The following SLC38A10 variants were observed in gnomAD, a reference collection of about 807,000 sequenced individuals.
SLC38A10 encodes Sodium-coupled neutral amino acid transporter 10.
SLC38A10 carries 53 observed loss-of-function variants against 81.0 expected under a neutral mutation model. That is an observed-to-expected ratio of 0.65 (90% CI 0.53 to 0.82). The LOEUF (loss-of-function observed/expected upper bound fraction) is 0.82. Among genes scored for constraint, SLC38A10 ranks in the 40% least tolerant of loss-of-function variants. The probability of loss-of-function intolerance (pLI) is 0.00; values close to 1 mark genes in which losing one functional copy is unlikely to be tolerated. For synonymous variants in SLC38A10, 665 were observed against 655.3 expected (o/e 1.01, Z -0.23); for missense variants, 1,471 against 1,545.0 (o/e 0.95, Z 0.80).
At position 81,280,595 on chromosome 17, in the gene SLC38A10, A is replaced by G. The variant is rs747225210; in HGVS notation, c.626+14T>C. On this transcript the variant is annotated intron_variant, in intron 6 of 15. Transcript: ENST00000374759. ...GTCACAGAACTCCACCACAGACCAC[A>G]GCAGGACACTTACGACTGGCAGGCG... 1.2e-6 allele frequency: 2 copies of G among 1,613,448 alleles called. No individual in the cohort carries two copies. The highest frequency in any genetic ancestry group is 2.2e-5 in the East Asian group (1 of 44,888).
intron 1 of SLC38A10, among the ~76,000 whole-genome samples, chr17:81,291,623 C>T (rs781347149): frequency 6.6e-6 from 1 of 152,202 alleles, no homozygotes; most frequent in Non-Finnish European, 1.5e-5. Flanking sequence ...TGCACCACTG[C>T]ACCCACATGG....
rs1385107896 is a variant in SLC38A10, at chr17:81,281,503, G to A, written c.501+686C>T. Among the ~76,000 whole-genome samples the A allele has an allele frequency of 6.6e-6, 1 of 152,130 alleles. No individual in the cohort carries two copies. The highest frequency in any genetic ancestry group is 1.5e-5 in the Non-Finnish European group (1 of 68,036). ...TTTAGAAAAATAATAGCGGCCGGGC[G>A]TGGTGGCTCATGCCTGTAACCCCAG... On this transcript the variant is annotated intron_variant, in intron 5 of 15. Transcript: ENST00000374759. The surrounding 1 kb of genome is among the most constrained non-coding windows in gnomAD (Gnocchi z 5.3).
chr17:81,249,188 C>G (rs544522220), intron 14 of SLC38A10, among the ~76,000 whole-genome samples: 1 of 95,714 alleles, frequency 1.0e-5, no homozygotes, highest in South Asian at 3.9e-4. Context: ...AAAGAGGAGA[C>G]AGAAGGGAGG....
chr17:81,251,440 G>A (rs754827863), intron 14 of SLC38A10, 53 bp downstream of exon 14: 7 of 1,608,478 alleles, frequency 4.4e-6, no homozygotes, highest in Middle Eastern at 1.7e-4. Context: ...GCTGGGGGAG[G>A]GGGCTGCCGC....
In SLC38A10 at chr17:81,271,301, C is replaced by T. The variant is rs1020514925; in HGVS notation, c.1025-277G>A. ...TCCTGCCGAAACCAGATGCTGGCTG[C>T]GCACGGCACGGCTCCTGCGCCGCCT... On this transcript the variant is annotated intron_variant, in intron 9 of 15. Transcript: ENST00000374759. Among the ~76,000 whole-genome samples the T allele has an allele frequency of 3.3e-5, 5 of 152,170 alleles. No homozygotes were observed. In the East Asian group the frequency reaches 7.7e-4, roughly 23 times the overall value.
At chr17:81,282,917 C>T (rs1053192393) in intron 4 of SLC38A10, among the ~76,000 whole-genome samples, 1 of 152,192 alleles carries the variant, frequency 6.6e-6, no homozygotes, top group Non-Finnish European at 1.5e-5. Flanking sequence ...CTGCCCTGCC[C>T]AGTGAGGGGC....
chr17:81,247,876 T>A (rs1050232395), intron 14 of SLC38A10, among the ~76,000 whole-genome samples: 1 of 151,332 alleles, frequency 6.6e-6, no homozygotes, highest in Non-Finnish European at 1.5e-5. Context: ...CTGTAAGCTA[T>A]GTTTTGAAAA....
intron 14 of SLC38A10, among the ~76,000 whole-genome samples, chr17:81,249,558 G>C (rs1232662611): frequency 6.6e-6 from 1 of 151,272 alleles, no homozygotes; most frequent in Non-Finnish European, 1.5e-5. Context: ...AAAAAGAGGG[G>C]GAGGGGGGAA....
At position 81,283,350 on chromosome 17, in the gene SLC38A10, G is replaced by A. The variant is rs866947348; in HGVS notation, c.357+59C>T. ...TCTCGGTCCTCGGGAGGATCCCACAGAGGGCCTCAGAGCAGCCGTCAGCAT... is the reference window on the plus strand; with the variant it reads ...TCTCGGTCCTCGGGAGGATCCCACAAAGGGCCTCAGAGCAGCCGTCAGCAT... On this transcript the variant is annotated intron_variant, in intron 4 of 15. Coordinates refer to ENST00000374759, the MANE Select transcript of SLC38A10 (RefSeq NM_001037984.3). The surrounding 1 kb of genome is among the most constrained non-coding windows in gnomAD (Gnocchi z 4.7). 3 of 1,488,598 alleles carry A rather than the reference G, an allele frequency of 2.0e-6. No homozygotes were observed. Among genetic ancestry groups the A allele is most frequent in the African/African-American group, 1.4e-5 (1 of 71,954 alleles). The allele number at this position is 1,488,598 out of a possible 1,614,324, so 92.2% of individuals were successfully genotyped here.
intron 11 of SLC38A10, among the ~76,000 whole-genome samples, chr17:81,257,671 C>T (rs1419290105): frequency 6.6e-6 from 1 of 152,258 alleles, no homozygotes; most frequent in Admixed American, 6.5e-5. Context: ...TCTCTGCCCC[C>T]GCACCAACAC....
chr17:81,278,706 T>C (rs1164120111), intron 6 of SLC38A10, among the ~76,000 whole-genome samples: 2 of 152,138 alleles, frequency 1.3e-5, no homozygotes, highest in Non-Finnish European at 2.9e-5. Context: ...TGCTAAACTG[T>C]CCTCTCGCCA....
intron 6 of SLC38A10, chr17:81,280,098 AT>A: frequency 2.2e-6 from 1 of 446,312 alleles, no homozygotes; most frequent in Non-Finnish European, 4.5e-6. Flanking sequence ...CGCTCTTGTC[AT>A]TTTGGTGGAG....
rs1009080689 is a variant in SLC38A10 at position 81,253,644 on chromosome 17, C to T, written c.1289-404G>A. On this transcript the variant is annotated intron_variant, in intron 11 of 15. Coordinates refer to ENST00000374759, the MANE Select transcript of SLC38A10 (RefSeq NM_001037984.3). The surrounding 1 kb of genome is among the most constrained non-coding windows in gnomAD (Gnocchi z 4.1). ...TCACCATCATCTCCATCCCTACCACCATCAACATCACCATCATCACCATCA... is the reference window on the plus strand; with the variant it reads ...TCACCATCATCTCCATCCCTACCACTATCAACATCACCATCATCACCATCA... Among the ~76,000 whole-genome samples, 1 of 151,560 alleles carries T rather than the reference C, an allele frequency of 6.6e-6. No homozygotes were observed. Among genetic ancestry groups the T allele is most frequent in the Non-Finnish European group, 1.5e-5 (1 of 67,908 alleles).
intron 13 of SLC38A10, 66 bp downstream of exon 13, chr17:81,252,129 C>T: frequency 6.7e-7 from 1 of 1,485,600 alleles, no homozygotes; most frequent in Non-Finnish European, 8.9e-7. Context: ...GATTCTGCTG[C>T]CCCTGCCCAG....
Position 81,286,273 on chromosome 17 carries a change from G to A in SLC38A10, c.218-1378C>T, listed in dbSNP as rs988573193. 1.6e-4 allele frequency among the ~76,000 whole-genome samples: 25 copies of A among 152,164 alleles called. 2 individuals carry two copies. Among genetic ancestry groups the A allele is most frequent in the Admixed American group, 1.5e-3 (23 of 15,274 alleles). ...TCTACAGCATATTCCAAACACGAGC[G>A]CACCTTGCCCAAGAAGGTTCCGGAA... On this transcript the variant is annotated intron_variant, in intron 2 of 15. Transcript: ENST00000374759. This position sits in a 1 kb window ranked among gnomAD's most constrained non-coding sequence, Gnocchi z 6.0.
At chr17:81,251,709 T>C (rs2062916555) in intron 13 of SLC38A10, 97 bp from the exon 14 acceptor site, 1 of 1,319,992 alleles carries the variant, frequency 7.6e-7, no homozygotes, top group East Asian at 2.6e-5. Context: ...CAAAAGGAAG[T>C]GGCAGATGTT....
chr17:81,245,464 GA>G lies in SLC38A10; in HGVS notation c.*91del. 1 of 1,456,778 alleles carries G rather than the reference GA, an allele frequency of 6.9e-7. No homozygotes were observed. Among genetic ancestry groups the G allele is most frequent in the Non-Finnish European group, 9.2e-7 (1 of 1,091,790 alleles). The allele number at this position is 1,456,778 out of a possible 1,614,324, so 90.2% of individuals were successfully genotyped here. A position where few individuals can be genotyped will look rare whatever the true frequency, so the allele number is the denominator to read the frequency against. ...TGAAACCCTGGGGAGAGGCGAGTGT[GA>G]CCTCCAGAGTTTGGCTGGGATGCGG... On this transcript the variant is annotated 3_prime_UTR_variant, in exon 16 of 16. Coordinates refer to ENST00000374759, the MANE Select transcript of SLC38A10 (RefSeq NM_001037984.3).
chr17:81,244,914 C>T lies in SLC38A10; in HGVS notation c.*642G>A, dbSNP rs2659005. 60,390 of 163,124 alleles carry T rather than the reference C, an allele frequency of 0.37. 13,773 individuals carry two copies. Among genetic ancestry groups the T allele is most frequent in the East Asian group, 0.69 (4,255 of 6,184 alleles). 10.1% of individuals were successfully genotyped at this position (163,124 alleles called of 1,614,324 possible). On this transcript the variant is annotated 3_prime_UTR_variant, in exon 16 of 16. Coordinates refer to ENST00000374759, the MANE Select transcript of SLC38A10 (RefSeq NM_001037984.3). ...GGCCAACCATGAGGAGTGCAAAGGG[C>T]GGCACCGGCCAGTGCCCCTGGACAC... is the stretch of plus-strand genomic sequence containing the variant.
At chr17:81,252,989 G>A (rs1003633293) in intron 12 of SLC38A10, 84 bp downstream of exon 12, 11 of 1,520,066 alleles carry the variant, frequency 7.2e-6, no homozygotes, top group Non-Finnish European at 7.2e-6. Context: ...ACAGCCCTGA[G>A]AGCCACCCCG....
Sources: allele counts gnomAD v4.1 joint callset (sites outside exome capture counted in the v4.1 genomes callset), GRCh38; gene constraint gnomAD v4.1.1; non-coding constraint Gnocchi (gnomAD v3.1); transcripts MANE v1.5; gene names NCBI Gene and HGNC (gene_info 2026-07-23, HGNC 2026-07-21).